Variants in C11orf65 observed in about 807,000 individuals in gnomAD.
The protein encoded by C11orf65 is protein MFI.
In C11orf65, 38 loss-of-function variants were observed where a neutral mutation model predicts 35.3. The ratio of observed to expected loss-of-function variants is 1.08; its 90% CI spans 0.83 to 1.41. The LOEUF (loss-of-function observed/expected upper bound fraction) is 1.41, where lower values mean the gene tolerates loss of function less well. Among genes scored for constraint, C11orf65 ranks in the 40% most tolerant of loss-of-function variants. The probability of loss-of-function intolerance (pLI) is 0.00; values close to 1 mark genes in which losing one functional copy is unlikely to be tolerated. For missense variants in C11orf65, 370 were observed against 367.1 expected (o/e 1.01, Z -0.06); for synonymous variants, 105 against 114.4 (o/e 0.92, Z 0.53).
intron 7 of C11orf65, among the ~76,000 whole-genome samples, chr11:108,387,144 CTTTCTT>C (rs1309834936): frequency 3.0e-5 from 3 of 101,054 alleles, no homozygotes; most frequent in Admixed American, 1.2e-4. Context: ...TCTTTTCTTT[CTTTCTT>C]TTTTTTTTTT....
chr11:108,439,895 C>T (rs1335842625), intron 2 of C11orf65, among the ~76,000 whole-genome samples: 1 of 152,018 alleles, frequency 6.6e-6, no homozygotes, highest in Admixed American at 6.6e-5. Context: ...GTGATAGGTG[C>T]ACAACATTAT....
intron 2 of C11orf65, among the ~76,000 whole-genome samples, chr11:108,450,362 T>C (rs914867351): frequency 1.1e-4 from 16 of 151,632 alleles, no homozygotes; most frequent in African/African-American, 3.9e-4. Flanking sequence ...TAGCAAAGAC[T>C]TGGAACTAAC....
chr11:108,311,262 G>A (rs185905723), intron 6 of C11orf65, among the ~76,000 whole-genome samples: 24 of 152,188 alleles, frequency 1.6e-4, no homozygotes, highest in Admixed American at 7.9e-4. Context: ...AGCATGAGCC[G>A]CTGCACCTGG....
chr11:108,323,533 A>G lies in C11orf65; in HGVS notation c.641-14462T>C, dbSNP rs2085384126. 2.6e-5 allele frequency among the ~76,000 whole-genome samples: 4 copies of G among 152,190 alleles called. No homozygotes were observed. The South Asian group carries it at 8.3e-4, about 32-fold the overall frequency. ...TAACAGTAATTTACTGTATATTTTT[A>G]AATAGCTACAAAAGAAGATTTGGAA... On this transcript the variant is annotated intron_variant, in intron 6 of 6. Coordinates refer to the C11orf65 transcript ENST00000525729.
chr11:108,413,831 AAG>A (rs2092692501), intron 3 of C11orf65, among the ~76,000 whole-genome samples: 2 of 152,192 alleles, frequency 1.3e-5, no homozygotes, highest in African/African-American at 4.8e-5. Flanking sequence ...AGGTCAAATA[AAG>A]AGTCTCAAGA....
At chr11:108,430,646 C>T (rs1324943382) in intron 3 of C11orf65, among the ~76,000 whole-genome samples, 5 of 151,832 alleles carry the variant, frequency 3.3e-5, no homozygotes, top group Non-Finnish European at 2.9e-5. Flanking sequence ...GAGTTCAAGA[C>T]CAGCTTGAGC....
chr11:108,371,278 T>C (rs1190014919), intron 2 of C11orf65, among the ~76,000 whole-genome samples: 1 of 152,196 alleles, frequency 6.6e-6, no homozygotes, highest in Non-Finnish European at 1.5e-5. Context: ...TTTTTAAGTA[T>C]ACGGTTCAGT....
rs546066915 is a variant in C11orf65, at chr11:108,365,610, G to A, written c.226+27598C>T. 1.2e-4 allele frequency: 162 copies of A among 1,372,114 alleles called. No homozygotes were observed. The South Asian group carries it at 2.0e-3, about 17-fold the overall frequency. 85.0% of individuals were successfully genotyped at this position (1,372,114 alleles called of 1,614,324 possible). A position where few individuals can be genotyped will look rare whatever the true frequency, so the allele number is the denominator to read the frequency against. ...ACTTTAAGTAGGGATTAATATTTAA[G>A]TGAACTATTGTGGGTTTTTTTGAAT... On this transcript the variant is annotated intron_variant, in intron 2 of 3. Transcript: ENST00000524755.
intron 2 of C11orf65, among the ~76,000 whole-genome samples, chr11:108,354,036 C>A (rs2089551703): frequency 6.8e-6 from 1 of 146,316 alleles, no homozygotes; most frequent in African/African-American, 2.5e-5. Context: ...GGCAATACAG[C>A]AAGACCCTGT....
chr11:108,336,829 C>T (rs1057369686), intron 2 of C11orf65, among the ~76,000 whole-genome samples: 2 of 152,166 alleles, frequency 1.3e-5, no homozygotes, highest in African/African-American at 4.8e-5. Context: ...ATGAGCTGAT[C>T]ATCTTTGACT....
intron 2 of C11orf65, among the ~76,000 whole-genome samples, chr11:108,444,639 G>A (rs1310154897): frequency 6.6e-6 from 1 of 152,078 alleles, no homozygotes; most frequent in African/African-American, 2.4e-5. Flanking sequence ...CAAGATGGCC[G>A]AATAGGAACA....
At position 108,350,793 on chromosome 11, in the gene C11orf65, G is replaced by A. The variant is rs142388266; in HGVS notation, c.227-15501C>T. Among the ~76,000 whole-genome samples, 81 of 152,306 alleles carry A rather than the reference G, an allele frequency of 5.3e-4. 1 individual carries two copies. In the East Asian group the frequency reaches 0.015, roughly 29 times the overall value. On this transcript the variant is annotated intron_variant, in intron 2 of 3. Transcript: ENST00000524755. Reference sequence around the variant, plus strand: ...AGATGCAAATTAGAGGTAGGAGTATGCCAACCTGAGTCCATTCAGGTCGTG... The same window carrying A: ...AGATGCAAATTAGAGGTAGGAGTATACCAACCTGAGTCCATTCAGGTCGTG...
intron 2 of C11orf65, chr11:108,365,856 C>G (rs2091289829): frequency 4.0e-6 from 1 of 250,704 alleles, no homozygotes; most frequent in Non-Finnish European, 7.9e-6. Flanking sequence ...TGGTGAAACC[C>G]TGTCTCTACT....
At chr11:108,434,481 G>A (rs2093035890) in intron 2 of C11orf65, among the ~76,000 whole-genome samples, 1 of 151,510 alleles carries the variant, frequency 6.6e-6, no homozygotes, top group South Asian at 2.1e-4. Context: ...CTCCAGCCTG[G>A]GTGACAGAGG....
intron 2 of C11orf65, chr11:108,369,124 T>C (rs1432814309): frequency 1.2e-5 from 2 of 163,546 alleles, no homozygotes; most frequent in Non-Finnish European, 2.7e-5. Flanking sequence ...ATTCACTTTA[T>C]TCAAATATTT....
At chr11:108,335,705 G>T in intron 2 of C11orf65, 1 of 680,234 alleles carries the variant, frequency 1.5e-6, no homozygotes, top group Non-Finnish European at 2.6e-6. Context: ...ATGGCAGTAG[G>T]TATTTAATTA....
At chr11:108,469,019 T>C (rs1772387300), upstream of C11orf65, among the ~76,000 whole-genome samples, 1 of 151,964 alleles carries the variant, frequency 6.6e-6, no homozygotes, top group South Asian at 2.1e-4. Context: ...TAATTTTTTG[T>C]ATGTTTAGTA....
rs527900030 is a variant in C11orf65 at position 108,465,035 on chromosome 11, GAACTA to G, written c.-10+2431_-10+2435del. On this transcript the variant is annotated intron_variant, in intron 1 of 8. Transcript: ENST00000393084. Reference sequence around the variant, plus strand: ...AAATGGGTCTTTTAATACTTTCCAAGAACTAAACTGTGAGATTTTTTACCTGTTAT... The same window carrying G: ...AAATGGGTCTTTTAATACTTTCCAAGAACTGTGAGATTTTTTACCTGTTAT... Among the ~76,000 whole-genome samples the G allele has an allele frequency of 2.0e-4, 30 of 152,238 alleles. No homozygotes were observed. In the South Asian group the frequency reaches 4.4e-3, roughly 22 times the overall value.
chr11:108,319,436 C>T (rs4988090), intron 6 of C11orf65, among the ~76,000 whole-genome samples: 8,693 of 152,174 alleles, frequency 0.057, 803 homozygotes, highest in African/African-American at 0.2. Context: ...AGTTACCATG[C>T]GGGTGGCTTC....
Sources: allele counts gnomAD v4.1 joint callset (sites outside exome capture counted in the v4.1 genomes callset), GRCh38; gene constraint gnomAD v4.1.1; transcripts MANE v1.5; gene names NCBI Gene and HGNC (gene_info 2026-07-23, HGNC 2026-07-21).